Variants in GABRG3 observed in about 807,000 individuals in gnomAD.
The protein encoded by GABRG3 is gamma-aminobutyric acid receptor subunit gamma-3.
In GABRG3, 25 loss-of-function variants were observed where a neutral mutation model predicts 48.8. The ratio of observed to expected loss-of-function variants is 0.51; its 90% CI spans 0.37 to 0.72. The LOEUF (loss-of-function observed/expected upper bound fraction) is 0.72. Ranked by LOEUF, GABRG3 falls within the 30% of genes least tolerant of loss-of-function variation. GABRG3 has a pLI of 0.00. For synonymous variants in GABRG3, 227 were observed against 217.6 expected (o/e 1.04, Z -0.38); for missense variants, 394 against 577.9 (o/e 0.68, Z 3.26).
At chr15:27,483,873 A>G (rs1390899113) in intron 6 of GABRG3, among the ~76,000 whole-genome samples, 1 of 152,180 alleles carries the variant, frequency 6.6e-6, no homozygotes, top group Non-Finnish European at 1.5e-5. Flanking sequence ...TCCAAGGACA[A>G]TTGCAGCTGA....
At chr15:27,021,357 G>T (rs189689019) in intron 2 of GABRG3, among the ~76,000 whole-genome samples, 18 of 152,334 alleles carry the variant, frequency 1.2e-4, no homozygotes, top group Admixed American at 9.8e-4. Flanking sequence ...TGGGAAGGGT[G>T]AGGGTAAATC....
At chr15:27,479,634 T>C (rs1313358615) in intron 5 of GABRG3, among the ~76,000 whole-genome samples, 1 of 152,258 alleles carries the variant, frequency 6.6e-6, no homozygotes, top group African/African-American at 2.4e-5. Context: ...GCAGTGCTTT[T>C]AGTATTCAGC....
chr15:27,421,595 T>C (rs1214124563), intron 5 of GABRG3, among the ~76,000 whole-genome samples: 2 of 151,256 alleles, frequency 1.3e-5, no homozygotes, highest in Non-Finnish European at 2.9e-5. Context: ...GGGCTATAAA[T>C]CCACCAATAC....
chr15:27,446,572 T>C (rs1250135461), intron 5 of GABRG3, among the ~76,000 whole-genome samples: 1 of 152,200 alleles, frequency 6.6e-6, no homozygotes, highest in Non-Finnish European at 1.5e-5. Context: ...AAAAATTTTG[T>C]AGTTTTCAGA....
chr15:27,037,266 A>G (rs188721629), intron 3 of GABRG3, among the ~76,000 whole-genome samples: 134 of 152,348 alleles, frequency 8.8e-4, no homozygotes, highest in African/African-American at 3.1e-3. Context: ...GCCCAGCACT[A>G]GCACTAACAC....
intron 3 of GABRG3, among the ~76,000 whole-genome samples, chr15:27,257,769 C>A (rs1028473615): frequency 1.3e-5 from 2 of 151,968 alleles, no homozygotes; most frequent in Non-Finnish European, 2.9e-5. Context: ...CAGCCTCAGC[C>A]TCCCAAGTAG....
At chr15:27,472,666 C>T (rs559710367) in intron 5 of GABRG3, among the ~76,000 whole-genome samples, 14 of 152,078 alleles carry the variant, frequency 9.2e-5, no homozygotes, top group South Asian at 2.1e-4. Flanking sequence ...ATATGTACAA[C>T]GTAATGACAA....
chr15:27,326,310 A>G (rs1205138835), intron 3 of GABRG3, among the ~76,000 whole-genome samples: 2 of 152,252 alleles, frequency 1.3e-5, no homozygotes, highest in Non-Finnish European at 2.9e-5. Context: ...TCAAGTACAA[A>G]TAGTCATAAC....
intron 2 of GABRG3, among the ~76,000 whole-genome samples, chr15:26,996,127 C>G (rs148711174): frequency 6.6e-6 from 1 of 151,856 alleles, no homozygotes; most frequent in Admixed American, 6.6e-5. Flanking sequence ...TATGCAATTG[C>G]CTTTTAAGTT....
chr15:27,065,525 C>G (rs577802274), intron 3 of GABRG3, among the ~76,000 whole-genome samples: 1 of 152,192 alleles, frequency 6.6e-6, no homozygotes, highest in Admixed American at 6.5e-5. Flanking sequence ...CAGTGGGTCT[C>G]GGTTCCTTCC....
At chr15:27,181,838 C>G (rs1297554275) in intron 3 of GABRG3, among the ~76,000 whole-genome samples, 1 of 151,944 alleles carries the variant, frequency 6.6e-6, no homozygotes, top group African/African-American at 2.4e-5. Context: ...TTTTTTATTC[C>G]TGTCAAACTC....
chr15:27,089,635 A>G (rs1595517841), intron 3 of GABRG3, among the ~76,000 whole-genome samples: 1 of 152,102 alleles, frequency 6.6e-6, no homozygotes, highest in Non-Finnish European at 1.5e-5. Flanking sequence ...AGGCTCTTGG[A>G]TTGGAGACCC....
At chr15:27,094,771 T>C (rs1219066216) in intron 3 of GABRG3, among the ~76,000 whole-genome samples, 1 of 152,280 alleles carries the variant, frequency 6.6e-6, no homozygotes, top group African/African-American at 2.4e-5. Context: ...AAAGATTTGC[T>C]TTTCTGATTA....
chr15:27,307,871 ATG>A (rs1425296500), intron 3 of GABRG3, among the ~76,000 whole-genome samples: 2 of 134,908 alleles, frequency 1.5e-5, no homozygotes, highest in South Asian at 4.7e-4. Context: ...ATATATATAA[ATG>A]TATATGTTTA....
chr15:27,315,507 A>G (rs932301200), intron 3 of GABRG3, among the ~76,000 whole-genome samples: 6 of 152,172 alleles, frequency 3.9e-5, no homozygotes, highest in Non-Finnish European at 5.9e-5. Context: ...GTGTTTGGAG[A>G]TACTTTAGGA....
chr15:27,270,509 A>C (rs549864206), intron 3 of GABRG3, among the ~76,000 whole-genome samples: 9 of 152,302 alleles, frequency 5.9e-5, no homozygotes, highest in Admixed American at 3.3e-4. Context: ...ATACTGCCTG[A>C]TGTCACTCAT....
Position 27,296,734 on chromosome 15 carries a change from G to A in GABRG3, c.271-30075G>A, listed in dbSNP as rs116459463. Among the ~76,000 whole-genome samples, 625 of 151,960 alleles carry A rather than the reference G, an allele frequency of 4.1e-3. 1 individual carries two copies. The highest frequency in any genetic ancestry group is 0.014 in the African/African-American group (569 of 41,426). ...CTGCACTGCTATAAAAGTATAGCTCGGGCAATTATGCACAGTACCTGAGAC... is the reference window on the plus strand; with the variant it reads ...CTGCACTGCTATAAAAGTATAGCTCAGGCAATTATGCACAGTACCTGAGAC... On this transcript the variant is annotated intron_variant, in intron 3 of 9. Transcript: ENST00000615808.
At chr15:27,407,459 G>C (rs1887672576) in intron 5 of GABRG3, among the ~76,000 whole-genome samples, 3 of 152,100 alleles carry the variant, frequency 2.0e-5, no homozygotes, top group African/African-American at 7.2e-5. Flanking sequence ...CACACTCCTT[G>C]GTATTTGCCC....
intron 3 of GABRG3, among the ~76,000 whole-genome samples, chr15:27,307,163 T>C (rs1206496964): frequency 7.3e-6 from 1 of 137,502 alleles, no homozygotes; most frequent in African/African-American, 2.6e-5. Context: ...TATAAAAACA[T>C]GTTTATACAT....
Sources: gnomAD v4.1 joint callset for allele counts (sites outside exome capture counted in the v4.1 genomes callset) on GRCh38, gnomAD v4.1.1 for gene constraint, MANE v1.5 for transcripts, NCBI Gene and HGNC (gene_info 2026-07-23, HGNC 2026-07-21) for gene names.